Variants in RAB6B observed in about 807,000 individuals in gnomAD.
RAB6B encodes RAB6B, member RAS oncogene family.
RAB6B carries 7 observed loss-of-function variants against 31.2 expected under a neutral mutation model. The observed-to-expected ratio is 0.22, with a 90% CI of 0.13 to 0.42. The LOEUF is 0.42. RAB6B is among the 10% of genes least tolerant of loss of function. RAB6B has a pLI of 1.00. For missense variants in RAB6B, 149 were observed against 280.6 expected, an observed-to-expected ratio of 0.53 and a Z score of 3.35; for synonymous variants, 105 against 104.9, an observed-to-expected ratio of 1.00 and a Z score of -0.01.
intron 2 of RAB6B, among the ~76,000 whole-genome samples, chr3:133,843,412 C>T (rs1464987386): frequency 6.6e-6 from 1 of 152,194 alleles, no homozygotes; most frequent in African/African-American, 2.4e-5. Flanking sequence ...AGACTTTTTC[C>T]TTCACAGGTG....
intron 2 of RAB6B, among the ~76,000 whole-genome samples, chr3:133,856,305 C>T (rs913330763): frequency 3.3e-5 from 5 of 152,022 alleles, no homozygotes; most frequent in Admixed American, 1.3e-4. Flanking sequence ...GTGTGGTTGG[C>T]ACACTGAGTG....
chr3:133,872,442 T>C (rs1180796405), intron 1 of RAB6B, among the ~76,000 whole-genome samples: 2 of 152,272 alleles, frequency 1.3e-5, no homozygotes, highest in Non-Finnish European at 2.9e-5. Context: ...ATTCCTGGCC[T>C]GACTGTGAGG....
At chr3:133,881,831 G>A (rs1430782373) in intron 1 of RAB6B, among the ~76,000 whole-genome samples, 3 of 152,230 alleles carry the variant, frequency 2.0e-5, no homozygotes, top group South Asian at 4.1e-4. Flanking sequence ...TGTGTAAAAT[G>A]AGGCCATCTC....
intron 1 of RAB6B, among the ~76,000 whole-genome samples, chr3:133,885,943 A>G (rs17311500): frequency 0.15 from 23,185 of 152,160 alleles, 2,049 homozygotes; most frequent in Non-Finnish European, 0.21. Flanking sequence ...TCCTGCCTCC[A>G]ATCAGAACAC....
intron 2 of RAB6B, among the ~76,000 whole-genome samples, chr3:133,846,077 CAG>C (rs1214309895): frequency 6.6e-6 from 1 of 152,084 alleles, no homozygotes; most frequent in African/African-American, 2.4e-5. Flanking sequence ...AACTGAAGCA[CAG>C]AGAGAAAAAT....
intron 2 of RAB6B, among the ~76,000 whole-genome samples, chr3:133,851,730 G>A (rs146694422): frequency 2.8e-4 from 42 of 152,316 alleles, no homozygotes; most frequent in African/African-American, 9.9e-4. Context: ...AGATAAGCCA[G>A]AGCCACACAG....
chr3:133,834,648 A>AGATC lies in RAB6B; in HGVS notation c.496-8_496-7insGATC. 6.2e-7 allele frequency: 1 copy of AGATC among 1,613,970 alleles called. No individual in the cohort carries two copies. Among genetic ancestry groups the AGATC allele is most frequent in the South Asian group, 1.1e-5 (1 of 91,072 alleles). On this transcript the variant is annotated splice_region_variant and splice_polypyrimidine_tract_variant and intron_variant, in intron 6 of 7. Transcript: ENST00000285208. ...ACGCCACACGTCGAAAAAGCTGGAA[A>AGATC]GATGAAGAAATGCAGTGTGAACCCC...
At chr3:133,848,872 T>G (rs575524354) in intron 2 of RAB6B, among the ~76,000 whole-genome samples, 1 of 152,310 alleles carries the variant, frequency 6.6e-6, no homozygotes, top group East Asian at 1.9e-4. Context: ...ACAGGGTTAT[T>G]TTTCTGAAAT....
At position 133,876,321 on chromosome 3, in the gene RAB6B, G is replaced by C. The variant is rs145495785; in HGVS notation, c.71-11679C>G. Among the ~76,000 whole-genome samples, 548 of 152,188 alleles carry C rather than the reference G, an allele frequency of 3.6e-3. 1 individual carries two copies. Among genetic ancestry groups the C allele is most frequent in the African/African-American group, 0.012 (509 of 41,534 alleles). On this transcript the variant is annotated intron_variant, in intron 1 of 7. Coordinates refer to ENST00000285208, the MANE Select transcript of RAB6B (RefSeq NM_016577.4). ...ACAGCATAGGAGCTGTGTCTCCCCC[G>C]GACCAGTTCTATATGACTCGGGCTG...
At chr3:133,889,600 A>G (rs1396084033) in intron 1 of RAB6B, among the ~76,000 whole-genome samples, 1 of 151,156 alleles carries the variant, frequency 6.6e-6, no homozygotes, top group African/African-American at 2.4e-5. Context: ...ATGCCTGGCT[A>G]ATGTTTGTAC....
intron 1 of RAB6B, among the ~76,000 whole-genome samples, chr3:133,873,025 C>T (rs1052601766): frequency 6.6e-6 from 1 of 152,204 alleles, no homozygotes; most frequent in African/African-American, 2.4e-5. Context: ...CTGACCCTCT[C>T]ACTTCTCCAC....
At chr3:133,852,165 CTCTG>C (rs1935996478) in intron 2 of RAB6B, among the ~76,000 whole-genome samples, 1 of 152,226 alleles carries the variant, frequency 6.6e-6, no homozygotes, top group African/African-American at 2.4e-5. Context: ...GGCTGCGGGG[CTCTG>C]TCTAAGAGCT....
At chr3:133,829,633 T>G (rs1468944045) in intron 7 of RAB6B, among the ~76,000 whole-genome samples, 1 of 152,152 alleles carries the variant, frequency 6.6e-6, no homozygotes, top group African/African-American at 2.4e-5. Flanking sequence ...GACAGGGGTG[T>G]GTGGGGTGTG....
intron 2 of RAB6B, among the ~76,000 whole-genome samples, chr3:133,864,044 T>G (rs1207976928): frequency 6.6e-6 from 1 of 151,574 alleles, no homozygotes; most frequent in Non-Finnish European, 1.5e-5. Context: ...GGTCACCGCA[T>G]CCAGCCTCCT....
intron 1 of RAB6B, among the ~76,000 whole-genome samples, chr3:133,866,790 G>C (rs1235527386): frequency 2.0e-5 from 3 of 148,278 alleles, no homozygotes; most frequent in Non-Finnish European, 4.5e-5. Flanking sequence ...CAGATGCATT[G>C]GGGAAAACAC....
chr3:133,882,016 AG>A (rs1936472933), intron 1 of RAB6B, among the ~76,000 whole-genome samples: 1 of 152,222 alleles, frequency 6.6e-6, no homozygotes, highest in South Asian at 2.1e-4. Flanking sequence ...GCATGTCACA[AG>A]GATGTAATCA....
intron 2 of RAB6B, among the ~76,000 whole-genome samples, chr3:133,845,444 A>G (rs1462905259): frequency 6.6e-6 from 1 of 152,212 alleles, no homozygotes; most frequent in Non-Finnish European, 1.5e-5. Context: ...AGCAGAGAGC[A>G]AGTCCTCACC....
At chr3:133,886,154 C>G (rs1230454043) in intron 1 of RAB6B, among the ~76,000 whole-genome samples, 1 of 152,208 alleles carries the variant, frequency 6.6e-6, no homozygotes, top group Non-Finnish European at 1.5e-5. Flanking sequence ...AAACCCCAAG[C>G]CTTTCACTGC....
At chr3:133,871,265 A>C (rs1936319479) in intron 1 of RAB6B, among the ~76,000 whole-genome samples, 1 of 152,248 alleles carries the variant, frequency 6.6e-6, no homozygotes, top group South Asian at 2.1e-4. Context: ...AATGCCAGGC[A>C]ATACGGGAAG....
Sources: gnomAD v4.1 joint callset for allele counts (sites outside exome capture counted in the v4.1 genomes callset) on GRCh38, gnomAD v4.1.1 for gene constraint, MANE v1.5 for transcripts, NCBI Gene and HGNC (gene_info 2026-07-23, HGNC 2026-07-21) for gene names.